CASP10: variants seen among roughly 807,000 people sequenced by gnomAD.
The protein encoded by CASP10 is caspase 10.
CASP10 carries 41 observed loss-of-function variants against 48.5 expected under a neutral mutation model. The ratio of observed to expected loss-of-function variants is 0.85; its 90% CI spans 0.66 to 1.10. CASP10 has a LOEUF of 1.10. Among genes scored for constraint, CASP10 ranks in the 50% least tolerant of loss-of-function variants. The probability of loss-of-function intolerance (pLI) is 0.00; values close to 1 mark genes in which losing one functional copy is unlikely to be tolerated. For synonymous variants in CASP10, 232 were observed against 238.4 expected, an observed-to-expected ratio of 0.97 and a Z score of 0.25; for missense variants, 614 against 614.5, an observed-to-expected ratio of 1.00 and a Z score of 0.01.
intron 1 of CASP10, among the ~76,000 whole-genome samples, 176 bp downstream of exon 1, chr2:201,183,484 A>G (rs569242095): frequency 1.3e-5 from 2 of 152,298 alleles, no homozygotes; most frequent in African/African-American, 4.8e-5. Context: ...AGCCTCCAAC[A>G]TAGCCTTTTA....
At chr2:201,216,533 A>C (rs1250937914) in intron 9 of CASP10, among the ~76,000 whole-genome samples, 1 of 152,170 alleles carries the variant, frequency 6.6e-6, no homozygotes, top group African/African-American at 2.4e-5. Context: ...AGCAAGATGC[A>C]GGGATTGAGA....
At position 201,185,912 on chromosome 2, in the gene CASP10, A is replaced by G; in HGVS notation, c.135A>G (p.Gly45=). The G allele has an allele frequency of 1.2e-6, 2 of 1,614,160 alleles. No homozygotes were observed. The highest frequency in any genetic ancestry group is 2.2e-5 in the South Asian group (2 of 91,078). The change falls in exon 2 of 10, where the codon GGA becomes GGG. Residue 45 remains glycine (G), a synonymous_variant. Coordinates refer to ENST00000286186, the MANE Select transcript of CASP10 (RefSeq NM_032977.4). Reference sequence around the variant, plus strand: ...AGAACCTCAAGTTTCTCTGCATAGGATTGGTCCCCAACAAGAAGCTGGAGA... The same window carrying G: ...AGAACCTCAAGTTTCTCTGCATAGGGTTGGTCCCCAACAAGAAGCTGGAGA... ...DVENLKFLCI[G]LVPNKKLEKS...
rs1944569541 is a variant in CASP10 at position 201,190,445 on chromosome 2, A to G, written c.442-2539A>G. 1.3e-5 allele frequency among the ~76,000 whole-genome samples: 2 copies of G among 152,166 alleles called. 1 individual carries two copies. Among genetic ancestry groups the G allele is most frequent in the Admixed American group, 1.3e-4 (2 of 15,268 alleles). On this transcript the variant is annotated intron_variant, in intron 3 of 9. Coordinates refer to ENST00000286186, the MANE Select transcript of CASP10 (RefSeq NM_032977.4). ...TTTGCCGTAAAATTTCAGTGCCCAC[A>G]TTTGCAGTGGTACAAAGCAATTACC... is the stretch of plus-strand genomic sequence containing the variant.
chr2:201,198,626 C>T (rs1397891030), intron 5 of CASP10, among the ~76,000 whole-genome samples: 25 of 147,458 alleles, frequency 1.7e-4, no homozygotes, highest in Non-Finnish European at 2.8e-4. Context: ...CTGCAAGCTC[C>T]GCCTCCCGTG....
rs117204984 is a variant in CASP10, at chr2:201,188,799, A to T, written c.441+1000A>T. ...CTGATTTTCTCTCTCTTTTTCTTTG[A>T]TATTAGCAACTGTTGATGTTCAACC... On this transcript the variant is annotated intron_variant, in intron 3 of 9. Coordinates refer to ENST00000286186, the MANE Select transcript of CASP10 (RefSeq NM_032977.4). 3.6e-4 allele frequency among the ~76,000 whole-genome samples: 55 copies of T among 151,908 alleles called. 1 individual carries two copies. In the East Asian group the frequency reaches 9.7e-3, roughly 27 times the overall value.
chr2:201,192,497 C>T (rs1057158659), intron 3 of CASP10, among the ~76,000 whole-genome samples: 5 of 152,022 alleles, frequency 3.3e-5, no homozygotes, highest in Admixed American at 6.6e-5. Flanking sequence ...TCTTTCGAAA[C>T]ATTTTCCCCT....
At chr2:201,206,040 C>A in intron 7 of CASP10, 67 bp downstream of exon 7, 1 of 1,008,696 alleles carries the variant, frequency 9.9e-7, no homozygotes, top group Non-Finnish European at 1.5e-6. Flanking sequence ...ATCAAAAGGA[C>A]GGTTTCTTTA....
Position 201,185,993 on chromosome 2 carries a change from T to C in CASP10, c.216T>C (p.Ser72=). 2 of 1,613,634 alleles carry C rather than the reference T, an allele frequency of 1.2e-6. No homozygotes were observed. The highest frequency in any genetic ancestry group is 1.7e-6 in the Non-Finnish European group (2 of 1,179,792). ...FEHLLAEDLL[S]EEDPFFLAEL... is the part of the protein sequence containing the mutation. ...ATCTCTTGGCAGAGGATCTGCTGAG[T>C]GAGGAAGACCCTTTCTTCCTGGCAG... Residue 72 remains serine (S), a synonymous_variant, in exon 2 of 10, where the codon AGT becomes AGC. Coordinates refer to ENST00000286186, the MANE Select transcript of CASP10 (RefSeq NM_032977.4).
intron 7 of CASP10, among the ~76,000 whole-genome samples, chr2:201,206,598 G>GTATA (rs112932298): frequency 0.036 from 5,207 of 145,418 alleles, 115 homozygotes; most frequent in Middle Eastern, 0.094. Flanking sequence ...TATATTAAGT[G>GTATA]TATATATATA....
At chr2:201,184,905 G>A (rs1405028258) in intron 1 of CASP10, among the ~76,000 whole-genome samples, 3 of 152,056 alleles carry the variant, frequency 2.0e-5, no homozygotes. Context: ...CAGAGCAGCC[G>A]ACTCATGTAA....
rs1253184739 is a variant in CASP10 at position 201,187,782 on chromosome 2, C to T, written c.424C>T (p.Leu142Phe). Reference sequence around the variant, plus strand: ...CATGATCTTCCTTCTGAAAGACTCGCTTCCCAAAACTGAAATGGTGAGTGG... The same window carrying T: ...CATGATCTTCCTTCTGAAAGACTCGTTTCCCAAAACTGAAATGGTGAGTGG... ...KDMIFLLKDS[L>F]PKTEMTSLSF... The change falls in exon 3 of 10, where the codon CTT becomes TTT. Residue 142 changes from leucine to phenylalanine, a missense_variant. Physicochemically the swap from Leu to Phe is conservative, Grantham distance 22. Coordinates refer to ENST00000286186, the MANE Select transcript of CASP10 (RefSeq NM_032977.4). The T allele has an allele frequency of 6.2e-7, 1 of 1,613,652 alleles. No homozygotes were observed. The highest frequency in any genetic ancestry group is 2.2e-5 in the East Asian group (1 of 44,874).
chr2:201,203,349 C>T (rs1482906883), intron 5 of CASP10, among the ~76,000 whole-genome samples: 1 of 150,918 alleles, frequency 6.6e-6, no homozygotes, highest in Non-Finnish European at 1.5e-5. Flanking sequence ...CTCTGTCACC[C>T]AGGCTGGAGT....
chr2:201,221,229 G>T lies in CASP10; in HGVS notation c.*3488G>T. On this transcript the variant is annotated 3_prime_UTR_variant, in exon 10 of 10. Transcript: ENST00000286186. Reference sequence around the variant, plus strand: ...GATCTAATTCTTCCCTCACTGGTTCGTGATGTCTACCGCAGCAGAAGGCCA... The same window carrying T: ...GATCTAATTCTTCCCTCACTGGTTCTTGATGTCTACCGCAGCAGAAGGCCA... The T allele has an allele frequency of 1.0e-6, 1 of 985,398 alleles. No homozygotes were observed. Among genetic ancestry groups the T allele is most frequent in the Non-Finnish European group, 1.2e-6 (1 of 829,946 alleles). The allele number at this position is 985,398 out of a possible 1,614,324, so 61.0% of individuals were successfully genotyped here.
intron 5 of CASP10, among the ~76,000 whole-genome samples, chr2:201,198,909 C>T (rs978550912): frequency 1.3e-5 from 2 of 152,106 alleles, no homozygotes; most frequent in African/African-American, 4.8e-5. Flanking sequence ...TTTACAGTTA[C>T]AATTTTTAGA....
intron 2 of CASP10, among the ~76,000 whole-genome samples, chr2:201,187,457 G>A (rs527597649): frequency 5.3e-5 from 8 of 151,804 alleles, no homozygotes; most frequent in African/African-American, 1.9e-4. Flanking sequence ...CCTTCTTAGT[G>A]TGGTGAAAAA....
chr2:201,192,878 C>A, intron 3 of CASP10, 106 bp from the exon 4 acceptor site: 1 of 1,162,698 alleles, frequency 8.6e-7, no homozygotes, highest in Non-Finnish European at 1.3e-6. Flanking sequence ...GCTGTTATAT[C>A]TTATTTATCA....
chr2:201,209,010 T>A (rs1013260086), intron 8 of CASP10, 60 bp from the exon 9 acceptor site: 4 of 1,572,910 alleles, frequency 2.5e-6, no homozygotes, highest in Non-Finnish European at 3.5e-6. Context: ...TTTGCATCAT[T>A]TTATTATTTC....
rs10616229 is a variant in CASP10, at chr2:201,215,211, G to GTTTTTTTTTTTTTTTTTTTTTTTTT, written c.1416-2376_1416-2352dup. 2.0e-4 allele frequency among the ~76,000 whole-genome samples: 6 copies of GTTTTTTTTTTTTTTTTTTTTTTTTT among 29,914 alleles called. 1 individual carries two copies. The highest frequency in any genetic ancestry group is 2.1e-3 in the South Asian group (1 of 478). 19.6% of individuals were successfully genotyped at this position (29,914 alleles called of 152,430 possible). On this transcript the variant is annotated intron_variant, in intron 9 of 9. Transcript: ENST00000286186. ...ATTTTGTAGGTTGTCTCTTCCCTCG[G>GTTTTTTTTTTTTTTTTTTTTTTTTT]TTTTTTTTTTTTTTTTTTTTTTTTT...
At chr2:201,201,068 A>AT in intron 5 of CASP10, among the ~76,000 whole-genome samples, 1 of 151,636 alleles carries the variant, frequency 6.6e-6, no homozygotes, top group Non-Finnish European at 1.5e-5. Context: ...TTATTTATTT[A>AT]TTTTTTTGAG....
Sources: gnomAD v4.1 joint callset for allele counts (sites outside exome capture counted in the v4.1 genomes callset) on GRCh38, gnomAD v4.1.1 for gene constraint, MANE v1.5 for transcripts, NCBI Gene and HGNC (gene_info 2026-07-23, HGNC 2026-07-21) for gene names.